The following ENTPD4 variants were observed in gnomAD, a reference collection of about 807,000 sequenced individuals.
ENTPD4 encodes the protein ectonucleoside triphosphate diphosphohydrolase 4.
A neutral mutation model predicts 79.1 loss-of-function variants in ENTPD4; 60 were observed. The ratio of observed to expected loss-of-function variants is 0.76; its 90% CI spans 0.62 to 0.94. The LOEUF is 0.94. Among genes scored for constraint, ENTPD4 ranks in the 40% least tolerant of loss-of-function variants. The pLI is 0.00. For missense variants in ENTPD4, 772 were observed against 775.1 expected (o/e 1.00, Z 0.05); for synonymous variants, 276 against 292.0 (o/e 0.95, Z 0.56).
In ENTPD4 at chr8:23,432,409, C is replaced by T. The variant is rs1448536511; in HGVS notation, c.*517G>A. 1.0e-6 allele frequency: 1 copy of T among 985,678 alleles called. No individual in the cohort carries two copies. The highest frequency in any genetic ancestry group is 1.2e-6 in the Non-Finnish European group (1 of 830,248). 61.1% of individuals were successfully genotyped at this position (985,678 alleles called of 1,614,324 possible). A position where few individuals can be genotyped will look rare whatever the true frequency, so the allele number is the denominator to read the frequency against. ...GGCAGATATCCTGTGCAGCAAAAAT[C>T]AAGTGAATTTCCCTCTTCCCCACTC... is the stretch of plus-strand genomic sequence containing the variant. On this transcript the variant is annotated 3_prime_UTR_variant, in exon 13 of 13. Coordinates refer to ENST00000358689, the MANE Select transcript of ENTPD4 (RefSeq NM_004901.5).
chr8:23,434,160 G>C lies in ENTPD4; in HGVS notation c.1622+157C>G, dbSNP rs80137198. The C allele has an allele frequency of 7.8e-3, 6,994 of 894,560 alleles. 322 individuals are homozygous for C. In the African/African-American group the frequency reaches 0.1, roughly 13 times the overall value. The allele number at this position is 894,560 out of a possible 1,614,324, so 55.4% of individuals were successfully genotyped here. Reference sequence around the variant, plus strand: ...GAAGGGAGGAAGCACTTGTGGGGAGGGGGCAAGACCAAAAGCAAACGTCAC... The same window carrying C: ...GAAGGGAGGAAGCACTTGTGGGGAGCGGGCAAGACCAAAAGCAAACGTCAC... On this transcript the variant is annotated intron_variant, in intron 12 of 12. Coordinates refer to ENST00000358689, the MANE Select transcript of ENTPD4 (RefSeq NM_004901.5).
rs1420483193 is a variant in ENTPD4 at position 23,430,485 on chromosome 8, C to T, written c.*2441G>A. 3 of 985,278 alleles carry T rather than the reference C, an allele frequency of 3.0e-6. No homozygotes were observed. Among genetic ancestry groups the T allele is most frequent in the Non-Finnish European group, 3.6e-6 (3 of 829,926 alleles). The allele number at this position is 985,278 out of a possible 1,614,324, so 61.0% of individuals were successfully genotyped here. A position where few individuals can be genotyped will look rare whatever the true frequency, so the allele number is the denominator to read the frequency against. Reference sequence around the variant, plus strand: ...TCTGTCTGTATCCTTTTTTGAACTGCATTGTTCTCACAAGGACCAGCAAAC... The same window carrying T: ...TCTGTCTGTATCCTTTTTTGAACTGTATTGTTCTCACAAGGACCAGCAAAC... On this transcript the variant is annotated 3_prime_UTR_variant, in exon 13 of 13. Transcript: ENST00000358689.
intron 1 of ENTPD4, among the ~76,000 whole-genome samples, chr8:23,451,517 T>C (rs1175164906): frequency 1.3e-5 from 2 of 152,072 alleles, no homozygotes; most frequent in Non-Finnish European, 2.9e-5. Flanking sequence ...TTCTTGGAAA[T>C]TGATAGCTCC....
rs575808542 is a variant in ENTPD4, at chr8:23,432,794, G to T, written c.*132C>A. The T allele has an allele frequency of 6.9e-7, 1 of 1,439,308 alleles. No homozygotes were observed. The highest frequency in any genetic ancestry group is 9.1e-7 in the Non-Finnish European group (1 of 1,100,398). The allele number at this position is 1,439,308 out of a possible 1,614,324, so 89.2% of individuals were successfully genotyped here. On this transcript the variant is annotated 3_prime_UTR_variant, in exon 13 of 13. Coordinates refer to ENST00000358689, the MANE Select transcript of ENTPD4 (RefSeq NM_004901.5). ...ATTACAGGCGTGAGCCACCGCGCTCGGCCTGCATTTTGTTTTTGTTTGGAG... is the reference window on the plus strand; with the variant it reads ...ATTACAGGCGTGAGCCACCGCGCTCTGCCTGCATTTTGTTTTTGTTTGGAG...
chr8:23,435,627 CACAA>C, intron 10 of ENTPD4, 150 bp from the exon 11 acceptor site: 1 of 643,080 alleles, frequency 1.6e-6, no homozygotes. Flanking sequence ...TGGCAAGACA[CACAA>C]ACACTCAGGG....
At chr8:23,435,174 A>T (rs1156864684) in intron 11 of ENTPD4, among the ~76,000 whole-genome samples, 1 of 152,194 alleles carries the variant, frequency 6.6e-6, no homozygotes, top group Non-Finnish European at 1.5e-5. Context: ...TGAACAGGGG[A>T]ATTTCAGGGG....
At chr8:23,442,181 A>G in intron 6 of ENTPD4, 115 bp from the exon 7 acceptor site, 1 of 665,966 alleles carries the variant, frequency 1.5e-6, no homozygotes, top group Non-Finnish European at 2.6e-6. Context: ...TAACCTGTAA[A>G]ATCATCTGAA....
Position 23,431,837 on chromosome 8 carries a change from C to G in ENTPD4, c.*1089G>C, listed in dbSNP as rs953820780. The G allele has an allele frequency of 2.0e-6, 2 of 985,298 alleles. No homozygotes were observed. Among genetic ancestry groups the G allele is most frequent in the African/African-American group, 1.7e-5 (1 of 57,224 alleles). The allele number at this position is 985,298 out of a possible 1,614,324, so 61.0% of individuals were successfully genotyped here. The stretch of plus-strand genomic sequence containing the variant: ...TGAAACTAGGAATTTCCAATTCTTT[C>G]AAAACCACAGTGTTCTAATGCCACT... On this transcript the variant is annotated 3_prime_UTR_variant, in exon 13 of 13. Coordinates refer to ENST00000358689, the MANE Select transcript of ENTPD4 (RefSeq NM_004901.5).
Position 23,437,254 on chromosome 8 carries a change from G to A in ENTPD4, c.1054C>T (p.Leu352=), listed in dbSNP as rs774046300. The stretch of plus-strand genomic sequence containing the variant: ...GGAGTCAGACCAGTCTGTTTACCCA[G>A]GAGCCTATGGCAAAACAAGAAACTT... ...FANTIQKNRL[L]GKQTGLTPDM... is the part of the protein sequence containing the mutation. Residue 352 remains leucine, a synonymous_variant, in exon 10 of 13, where the codon CTG becomes TTG. Coordinates refer to ENST00000358689, the MANE Select transcript of ENTPD4 (RefSeq NM_004901.5). 1.4e-5 allele frequency: 22 copies of A among 1,581,694 alleles called. No homozygotes were observed. The highest frequency in any genetic ancestry group is 1.8e-5 in the Non-Finnish European group (21 of 1,165,460).
chr8:23,443,615 C>T (rs1216019920), intron 6 of ENTPD4, among the ~76,000 whole-genome samples: 1 of 152,182 alleles, frequency 6.6e-6, no homozygotes, highest in East Asian at 1.9e-4. Context: ...TTATATCAAG[C>T]TATGTCACTA....
Position 23,431,421 on chromosome 8 carries a change from T to A in ENTPD4, c.*1505A>T. 1.0e-6 allele frequency: 1 copy of A among 985,332 alleles called. No homozygotes were observed. The highest frequency in any genetic ancestry group is 1.2e-6 in the Non-Finnish European group (1 of 829,896). 61.0% of individuals were successfully genotyped at this position (985,332 alleles called of 1,614,324 possible). A position where few individuals can be genotyped will look rare whatever the true frequency, so the allele number is the denominator to read the frequency against. On this transcript the variant is annotated 3_prime_UTR_variant, in exon 13 of 13. Coordinates refer to ENST00000358689, the MANE Select transcript of ENTPD4 (RefSeq NM_004901.5). ...CCACCTAAAAAAACTGTACGAGAAT[T>A]CCCCAAACTTCTCAACTAAATAAAT...
intron 4 of ENTPD4, 78 bp from the exon 5 acceptor site, chr8:23,444,684 T>G (rs1486730999): frequency 6.8e-6 from 9 of 1,316,302 alleles, no homozygotes; most frequent in Non-Finnish European, 9.8e-6. Flanking sequence ...GTGGCTAATT[T>G]TAGGGAAATC....
chr8:23,436,625 G>C (rs978767857), intron 10 of ENTPD4, among the ~76,000 whole-genome samples: 4 of 152,104 alleles, frequency 2.6e-5, no homozygotes, highest in African/African-American at 9.7e-5. Context: ...GGTCAGGGAG[G>C]GGGAAGGCTA....
rs1800478472 is a variant in ENTPD4, at chr8:23,432,778, G to A, written c.*148C>T. 1.4e-6 allele frequency: 2 copies of A among 1,430,912 alleles called. No individual in the cohort carries two copies. Among genetic ancestry groups the A allele is most frequent in the Non-Finnish European group, 9.1e-7 (1 of 1,096,250 alleles). The allele number at this position is 1,430,912 out of a possible 1,614,324, so 88.6% of individuals were successfully genotyped here. ...CTCCCAAAGTGCTGGGATTACAGGCGTGAGCCACCGCGCTCGGCCTGCATT... is the reference window on the plus strand; with the variant it reads ...CTCCCAAAGTGCTGGGATTACAGGCATGAGCCACCGCGCTCGGCCTGCATT... On this transcript the variant is annotated 3_prime_UTR_variant, in exon 13 of 13. Coordinates refer to ENST00000358689, the MANE Select transcript of ENTPD4 (RefSeq NM_004901.5).
At position 23,430,740 on chromosome 8, in the gene ENTPD4, T is replaced by C; in HGVS notation, c.*2186A>G. On this transcript the variant is annotated 3_prime_UTR_variant, in exon 13 of 13. Transcript: ENST00000358689. Reference sequence around the variant, plus strand: ...AGGCGGGGTCCCCTAACTCCCTGGGTGCCCACCTGCCCACTTCAACCATTT... The same window carrying C: ...AGGCGGGGTCCCCTAACTCCCTGGGCGCCCACCTGCCCACTTCAACCATTT... 1 of 985,518 alleles carries C rather than the reference T, an allele frequency of 1.0e-6. No homozygotes were observed. Among genetic ancestry groups the C allele is most frequent in the Non-Finnish European group, 1.2e-6 (1 of 830,044 alleles). The allele number at this position is 985,518 out of a possible 1,614,324, so 61.0% of individuals were successfully genotyped here.
intron 6 of ENTPD4, among the ~76,000 whole-genome samples, chr8:23,443,396 T>C (rs540062743): frequency 6.6e-6 from 1 of 152,344 alleles, no homozygotes; most frequent in African/African-American, 2.4e-5. Context: ...CTTTTTGGTA[T>C]ACATTTCTAG....
chr8:23,444,434 T>C (rs1800728646), intron 5 of ENTPD4, 22 bp downstream of exon 5: 1 of 1,610,284 alleles, frequency 6.2e-7, no homozygotes, highest in Non-Finnish European at 8.5e-7. Context: ...ACCCTCACCC[T>C]TGCCCTTCTG....
At chr8:23,456,674 A>C (rs577915522) in intron 1 of ENTPD4, among the ~76,000 whole-genome samples, 1 of 152,342 alleles carries the variant, frequency 6.6e-6, no homozygotes, top group East Asian at 1.9e-4. Flanking sequence ...TAATTCTACT[A>C]TGTCAAACAG....
intron 4 of ENTPD4, among the ~76,000 whole-genome samples, chr8:23,446,787 A>G (rs892399623): frequency 6.6e-6 from 1 of 152,220 alleles, no homozygotes; most frequent in Non-Finnish European, 1.5e-5. Context: ...TATTTTTCTC[A>G]TGTTAAACTG....
Sources: allele counts gnomAD v4.1 joint callset (sites outside exome capture counted in the v4.1 genomes callset), GRCh38; gene constraint gnomAD v4.1.1; transcripts MANE v1.5; gene names NCBI Gene and HGNC (gene_info 2026-07-23, HGNC 2026-07-21).